HS6ST3: variants seen among roughly 807,000 people sequenced by gnomAD.
HS6ST3 encodes heparan sulfate 6-O-sulfotransferase 3.
HS6ST3 carries 12 observed loss-of-function variants against 36.7 expected under a neutral mutation model. The ratio of observed to expected loss-of-function variants is 0.33; its 90% CI spans 0.21 to 0.53. The LOEUF is 0.53. Ranked by LOEUF, HS6ST3 falls within the 20% of genes least tolerant of loss-of-function variation. The probability of loss-of-function intolerance (pLI) is 0.95; values close to 1 mark genes in which losing one functional copy is unlikely to be tolerated. For synonymous variants in HS6ST3, 240 were observed against 257.5 expected (o/e 0.93, Z 0.65); for missense variants, 584 against 640.9 (o/e 0.91, Z 0.96).
chr13:96,492,021 G>T (rs186086621), intron 1 of HS6ST3, among the ~76,000 whole-genome samples: 3 of 152,216 alleles, frequency 2.0e-5, no homozygotes, highest in Admixed American at 2.0e-4. Context: ...TTACCTTAAT[G>T]ACTATCCTTC....
At chr13:96,826,250 A>G (rs1264548835) in intron 1 of HS6ST3, among the ~76,000 whole-genome samples, 1 of 152,216 alleles carries the variant, frequency 6.6e-6, no homozygotes, top group Admixed American at 6.5e-5. Flanking sequence ...TGACAAGTGC[A>G]TTAGAAGATT....
At chr13:96,101,872 G>A (rs1420169291) in intron 1 of HS6ST3, among the ~76,000 whole-genome samples, 1 of 151,966 alleles carries the variant, frequency 6.6e-6, no homozygotes, top group Non-Finnish European at 1.5e-5. Context: ...TCTCTTGCAC[G>A]TGCACATACA....
At chr13:96,536,138 A>T (rs1316283815) in intron 1 of HS6ST3, among the ~76,000 whole-genome samples, 1 of 152,158 alleles carries the variant, frequency 6.6e-6, no homozygotes, top group Non-Finnish European at 1.5e-5. Context: ...ATTCAAAGGG[A>T]GTTTGGACTG....
At chr13:96,526,086 T>C (rs2056113092) in intron 1 of HS6ST3, among the ~76,000 whole-genome samples, 2 of 152,142 alleles carry the variant, frequency 1.3e-5, no homozygotes, top group African/African-American at 4.8e-5. Context: ...AGACATATAG[T>C]CTGGGCAGAT....
chr13:96,527,336 AT>A (rs61372590), intron 1 of HS6ST3, among the ~76,000 whole-genome samples: 7 of 151,746 alleles, frequency 4.6e-5, no homozygotes, highest in African/African-American at 9.7e-5. Flanking sequence ...TGTTTAAGGG[AT>A]TTTTTTTTAA....
At chr13:96,228,795 G>T (rs1206118953) in intron 1 of HS6ST3, among the ~76,000 whole-genome samples, 1 of 152,086 alleles carries the variant, frequency 6.6e-6, no homozygotes, top group Non-Finnish European at 1.5e-5. Context: ...CATAAAAACG[G>T]ATCAATGTAA....
At chr13:96,251,371 A>G (rs1408466348) in intron 1 of HS6ST3, among the ~76,000 whole-genome samples, 1 of 152,094 alleles carries the variant, frequency 6.6e-6, no homozygotes, top group African/African-American at 2.4e-5. Flanking sequence ...CAATTTGTAT[A>G]TGTATAATTC....
intron 1 of HS6ST3, among the ~76,000 whole-genome samples, chr13:96,463,291 A>G (rs527687645): frequency 3.0e-3 from 459 of 152,306 alleles, no homozygotes; most frequent in Middle Eastern, 0.01. Context: ...CCACGGAGTA[A>G]AATGTAGAGC....
At chr13:96,636,730 C>T (rs896421947) in intron 1 of HS6ST3, among the ~76,000 whole-genome samples, 3 of 152,132 alleles carry the variant, frequency 2.0e-5, no homozygotes, top group African/African-American at 7.2e-5. Context: ...TAAAAGCTCT[C>T]TCTTCCCCTC....
chr13:96,112,583 ATATATATATATATATATATATAT>A (rs2053874681), intron 1 of HS6ST3, among the ~76,000 whole-genome samples: 1 of 41,984 alleles, frequency 2.4e-5, no homozygotes, highest in African/African-American at 8.5e-5. Flanking sequence ...AAATAAATAT[ATATATATATATATATATATATAT>A]ATATATATAT....
chr13:96,831,977 A>AAAAAAAC lies in HS6ST3; in HGVS notation c.708-510_708-509insAAACAAA, dbSNP rs1555326624. ...CTCAAAAAAAAAAAAAAAAAAAAAA[A>AAAAAAAC]AAACAGAGATTAAGGAGAATACATG... On this transcript the variant is annotated intron_variant, in intron 1 of 1. Transcript: ENST00000376705. Among the ~76,000 whole-genome samples, 4 of 115,978 alleles carry AAAAAAAC rather than the reference A, an allele frequency of 3.4e-5. 1 individual carries two copies. Among genetic ancestry groups the AAAAAAAC allele is most frequent in the Admixed American group, 9.0e-5 (1 of 11,074 alleles). The allele number at this position is 115,978 out of a possible 152,430, so 76.1% of individuals were successfully genotyped here. A position where few individuals can be genotyped will look rare whatever the true frequency, so the allele number is the denominator to read the frequency against.
chr13:96,286,724 T>G (rs2054805206), intron 1 of HS6ST3, among the ~76,000 whole-genome samples: 1 of 152,172 alleles, frequency 6.6e-6, no homozygotes, highest in African/African-American at 2.4e-5. Flanking sequence ...TGCTTGTCTG[T>G]GCTTGGCTCT....
intron 1 of HS6ST3, among the ~76,000 whole-genome samples, chr13:96,244,340 A>T (rs1028684466): frequency 1.3e-5 from 2 of 152,222 alleles, no homozygotes; most frequent in African/African-American, 4.8e-5. Context: ...TTTATGCTAA[A>T]GTAAACATAT....
At chr13:96,098,177 A>G (rs1238424542) in intron 1 of HS6ST3, among the ~76,000 whole-genome samples, 1 of 152,240 alleles carries the variant, frequency 6.6e-6, no homozygotes, top group Non-Finnish European at 1.5e-5. Flanking sequence ...TCATTTGTTT[A>G]CTGACAGATG....
chr13:96,126,046 A>G (rs1225235223), intron 1 of HS6ST3, among the ~76,000 whole-genome samples: 2 of 152,120 alleles, frequency 1.3e-5, no homozygotes, highest in Non-Finnish European at 2.9e-5. Flanking sequence ...CATTTTAGCC[A>G]GTGACTGTGG....
intron 1 of HS6ST3, among the ~76,000 whole-genome samples, chr13:96,583,212 T>TTC (rs1431334673): frequency 1.7e-4 from 18 of 107,800 alleles, no homozygotes; most frequent in Non-Finnish European, 3.2e-4. Flanking sequence ...TTCTTTTTTT[T>TTC]TTTTTTTTTT....
intron 1 of HS6ST3, among the ~76,000 whole-genome samples, chr13:96,107,601 C>T (rs2053847527): frequency 6.6e-6 from 1 of 152,238 alleles, no homozygotes; most frequent in South Asian, 2.1e-4. Context: ...TCAGACTTCT[C>T]AGCTGTTCAG....
At chr13:96,547,743 G>A (rs371417769) in intron 1 of HS6ST3, among the ~76,000 whole-genome samples, 6 of 152,084 alleles carry the variant, frequency 3.9e-5, no homozygotes, top group East Asian at 1.9e-4. Context: ...TTTGGCCGGC[G>A]TATCTATATA....
chr13:96,779,777 A>C (rs1250350119), intron 1 of HS6ST3, among the ~76,000 whole-genome samples: 1 of 151,760 alleles, frequency 6.6e-6, no homozygotes, highest in African/African-American at 2.4e-5. Flanking sequence ...CTTAAAAAAA[A>C]AAAAAAAAAC....
Sources: gnomAD v4.1 joint callset for allele counts (sites outside exome capture counted in the v4.1 genomes callset) on GRCh38, gnomAD v4.1.1 for gene constraint, MANE v1.5 for transcripts, NCBI Gene and HGNC (gene_info 2026-07-23, HGNC 2026-07-21) for gene names.